Variants in RBBP6 observed in about 807,000 individuals in gnomAD.
The protein encoded by RBBP6 is RB binding protein 6, ubiquitin ligase, also known as E3 ubiquitin-protein ligase RBBP6.
Under a neutral mutation model 167.7 loss-of-function variants are expected in RBBP6, and 25 were observed. The ratio of observed to expected loss-of-function variants is 0.15; its 90% CI spans 0.11 to 0.21. The LOEUF is 0.21. RBBP6 is among the 10% of genes least tolerant of loss of function. The pLI is 1.00. For synonymous variants in RBBP6, 789 were observed against 735.8 expected, an observed-to-expected ratio of 1.07 and a Z score of -1.17; for missense variants, 1,868 against 2,134.2, an observed-to-expected ratio of 0.88 and a Z score of 2.46.
chr16:24,555,480 G>T (rs1797992235), intron 4 of RBBP6, 135 bp from the exon 5 acceptor site: 5 of 694,834 alleles, frequency 7.2e-6, no homozygotes, highest in African/African-American at 5.4e-5. Context: ...CCTCTTCCAG[G>T]TTATACGTGT....
chr16:24,543,748 G>A (rs540035658), intron 1 of RBBP6, among the ~76,000 whole-genome samples: 4 of 152,200 alleles, frequency 2.6e-5, no homozygotes, highest in East Asian at 1.9e-4. Flanking sequence ...TCTGCACACC[G>A]ACCCCTAAAA....
Position 24,572,144 on chromosome 16 carries a change from ACAGCAGCCCCAG to A in RBBP6, c.5080_5091del (p.Ser1694_Ser1697del), listed in dbSNP as rs773597255. The A allele has an allele frequency of 1.7e-5, 27 of 1,614,046 alleles. No individual in the cohort carries two copies. The highest frequency in any genetic ancestry group is 1.7e-5 in the Admixed American group (1 of 59,992). ...GTGGGCATAAGCAGGAATCAGAGCC[ACAGCAGCCCCAG>A]CGTCAGCCCCAGCAGAAGCCACAGT... is the stretch of plus-strand genomic sequence containing the variant. On this transcript the variant is annotated inframe_deletion, in exon 18 of 18. Coordinates refer to ENST00000319715, the MANE Select transcript of RBBP6 (RefSeq NM_006910.5).
Position 24,563,309 on chromosome 16 carries a change from G to A in RBBP6, c.1386+14G>A. On this transcript the variant is annotated intron_variant, in intron 11 of 17. Coordinates refer to ENST00000319715, the MANE Select transcript of RBBP6 (RefSeq NM_006910.5). Reference sequence around the variant, plus strand: ...ATGGAAGAGAAGGTAAATTTTACTGGTGCTTTAATTTGGGATTTTTTTTAC... The same window carrying A: ...ATGGAAGAGAAGGTAAATTTTACTGATGCTTTAATTTGGGATTTTTTTTAC... 3 of 1,593,390 alleles carry A rather than the reference G, an allele frequency of 1.9e-6. No individual in the cohort carries two copies. Among genetic ancestry groups the A allele is most frequent in the Non-Finnish European group, 2.6e-6 (3 of 1,169,690 alleles).
At chr16:24,550,373 T>G (rs1898769976) in intron 3 of RBBP6, among the ~76,000 whole-genome samples, 1 of 149,200 alleles carries the variant, frequency 6.7e-6, no homozygotes, top group East Asian at 1.9e-4. Flanking sequence ...GTTTTTTTGT[T>G]TTTTTTTTTT....
chr16:24,549,071 T>A, intron 3 of RBBP6, 90 bp downstream of exon 3: 1 of 1,557,990 alleles, frequency 6.4e-7, no homozygotes, highest in Non-Finnish European at 8.7e-7. Flanking sequence ...GAACTTAATA[T>A]CCAACTGATC....
At chr16:24,547,927 G>T (rs1898698019) in intron 2 of RBBP6, among the ~76,000 whole-genome samples, 1 of 152,006 alleles carries the variant, frequency 6.6e-6, no homozygotes. Flanking sequence ...CTCTTACACA[G>T]AATTATATGT....
chr16:24,570,825 A>G (rs1173568441), intron 17 of RBBP6, 51 bp from the exon 18 acceptor site: 1 of 1,280,284 alleles, frequency 7.8e-7, no homozygotes, highest in East Asian at 2.7e-5. Flanking sequence ...AGTGTTTTAT[A>G]ATTAATAGTA....
chr16:24,562,796 T>A (rs972404273), intron 10 of RBBP6, among the ~76,000 whole-genome samples: 1 of 152,104 alleles, frequency 6.6e-6, no homozygotes, highest in African/African-American at 2.4e-5. Context: ...CTGGTGGAAT[T>A]TATTTGGTTG....
chr16:24,557,086 C>T (rs935472901), intron 7 of RBBP6, among the ~76,000 whole-genome samples: 2 of 151,230 alleles, frequency 1.3e-5, no homozygotes, highest in African/African-American at 4.9e-5. Context: ...GCAAGCTCCA[C>T]CTCCCAGGTT....
At chr16:24,546,610 T>G (rs1898659754) in intron 2 of RBBP6, among the ~76,000 whole-genome samples, 2 of 152,204 alleles carry the variant, frequency 1.3e-5, no homozygotes, top group South Asian at 4.1e-4. Context: ...AAATTTGGTG[T>G]TGTAGACATC....
chr16:24,556,047 A>C, intron 6 of RBBP6, 130 bp downstream of exon 6: 1 of 940,278 alleles, frequency 1.1e-6, no homozygotes, highest in South Asian at 1.7e-5. Context: ...CTCTGGAGCC[A>C]AATTTGCCAG....
Position 24,571,038 on chromosome 16 carries a change from T to G in RBBP6, c.3972T>G (p.Asp1324Glu). Residue 1324 changes from aspartate (D) to glutamate (E), a missense_variant, in exon 18 of 18, where the codon GAT becomes GAG. Asp to Glu is a conservative substitution (Grantham distance 45). Transcript: ENST00000319715. ...TTCCTCAATCCAAATGGGATAAAGA[T>G]GACTTTGAATCTGAAGAAGAAGATG... The part of the protein sequence containing the change: ...IQVPQSKWDK[D>E]DFESEEEDVK... 1 of 1,612,432 alleles carries G rather than the reference T, an allele frequency of 6.2e-7. No homozygotes were observed. Among genetic ancestry groups the G allele is most frequent in the Non-Finnish European group, 8.5e-7 (1 of 1,178,604 alleles).
At position 24,571,819 on chromosome 16, in the gene RBBP6, A is replaced by G. The variant is rs1383489472; in HGVS notation, c.4753A>G (p.Asn1585Asp). 3.1e-6 allele frequency: 5 copies of G among 1,613,984 alleles called. No homozygotes were observed. The Admixed American group carries it at 8.3e-5, about 27-fold the overall frequency. ...EARNNKESSG[N>D]KLLYILNPPE... ...AAGGAACAATAAAGAGTCAAGTGGC[A>G]ATAAACTACTTTATATACTTAACCC... The change falls in exon 18 of 18, where the codon AAT becomes GAT. Residue 1585 changes from asparagine (N) to aspartate (D), a missense_variant. Around this residue, in one of 7 missense-constraint regions of RBBP6, gnomAD observed 591 missense variants for 540.5 expected, o/e 1.09. Coordinates refer to ENST00000319715, the MANE Select transcript of RBBP6 (RefSeq NM_006910.5).
intron 2 of RBBP6, among the ~76,000 whole-genome samples, chr16:24,547,335 G>A (rs530763817): frequency 2.0e-5 from 3 of 152,166 alleles, no homozygotes; most frequent in Non-Finnish European, 4.4e-5. Context: ...CCATATAATA[G>A]CTACTTTAAA....
At chr16:24,543,400 C>T (rs1319356330) in intron 1 of RBBP6, among the ~76,000 whole-genome samples, 5 of 151,574 alleles carry the variant, frequency 3.3e-5, no homozygotes, top group Non-Finnish European at 7.4e-5. Flanking sequence ...CCTCCCACCT[C>T]AGCCTCCCAA....
Position 24,568,923 on chromosome 16 carries a change from C to A in RBBP6, c.2233C>A (p.Arg745Ser), listed in dbSNP as rs201619306. 1 of 1,614,224 alleles carries A rather than the reference C, an allele frequency of 6.2e-7. No individual in the cohort carries two copies. The highest frequency in any genetic ancestry group is 1.3e-5 in the African/African-American group (1 of 75,054). ...AGGCAGAGGCAAGAGCCGCAATTAC[C>A]GTTCACGGTCTAGATCTCATGGATA... ...RRGRGKSRNY[R>S]SRSRSHGYHR... The change falls in exon 17 of 18, where the codon CGT (arginine) becomes AGT (serine). Residue 745 changes from arginine (R) to serine (S), a missense_variant. Arg to Ser is a moderately radical substitution (Grantham distance 110). Transcript: ENST00000319715.
In RBBP6 at chr16:24,555,637, A is replaced by G. The variant is rs915274460; in HGVS notation, c.371A>G (p.Asn124Ser). 6.8e-6 allele frequency: 11 copies of G among 1,612,414 alleles called. No homozygotes were observed. The highest frequency in any genetic ancestry group is 2.7e-5 in the African/African-American group (2 of 74,816). The change falls in exon 5 of 18, where the codon AAT becomes AGT. Residue 124 changes from asparagine (N) to serine (S), a missense_variant. Around this residue, in one of 7 missense-constraint regions of RBBP6, gnomAD observed 184 missense variants for 327.7 expected, o/e 0.56. Transcript: ENST00000319715. ...LTKTANLAEANASEEDKIKAM... is the reference protein window; with the variant it reads ...LTKTANLAEASASEEDKIKAM... The stretch of plus-strand genomic sequence containing the variant: ...CAGACTGCCAATCTGGCTGAAGCCA[A>G]TGCTTCTGAAGAAGATAAAATTAAA...
intron 17 of RBBP6, 96 bp downstream of exon 17, chr16:24,570,595 C>A: frequency 8.8e-7 from 1 of 1,136,074 alleles, no homozygotes; most frequent in Non-Finnish European, 1.2e-6. Context: ...ATTATGAATG[C>A]TGATCTAGGG....
rs774974143 is a variant in RBBP6, at chr16:24,570,869, T to C, written c.3810-7T>C. On this transcript the variant is annotated splice_polypyrimidine_tract_variant and splice_region_variant and intron_variant, in intron 17 of 17. Transcript: ENST00000319715. ...ATTAATTAAAAATATTTTGTTATTC[T>C]TTTTAGTACGAGCTCAACTGGAGGC... 3 of 1,443,534 alleles carry C rather than the reference T, an allele frequency of 2.1e-6. No individual in the cohort carries two copies. The East Asian group carries it at 7.2e-5, about 35-fold the overall frequency. The allele number at this position is 1,443,534 out of a possible 1,614,324, so 89.4% of individuals were successfully genotyped here.
Sources: gnomAD v4.1 joint callset for allele counts (sites outside exome capture counted in the v4.1 genomes callset) on GRCh38, gnomAD v4.1.1 for gene constraint, gnomAD v4.1.1 regional missense constraint, MANE v1.5 for transcripts, NCBI Gene and HGNC (gene_info 2026-07-23, HGNC 2026-07-21) for gene names.